FAM228B: variants seen among roughly 807,000 people sequenced by gnomAD.
The protein encoded by FAM228B is protein FAM228B.
Under a neutral mutation model 42.6 loss-of-function variants are expected in FAM228B, and 38 were observed. The ratio of observed to expected loss-of-function variants is 0.89; its 90% CI spans 0.69 to 1.17. The LOEUF (loss-of-function observed/expected upper bound fraction) is 1.17, where lower values mean the gene tolerates loss of function less well. Ranked by LOEUF, FAM228B falls within the 50% of genes most tolerant of loss-of-function variation. The probability of loss-of-function intolerance (pLI) is 0.00; values close to 1 mark genes in which losing one functional copy is unlikely to be tolerated. For missense variants in FAM228B, 344 were observed against 367.3 expected, an observed-to-expected ratio of 0.94 and a Z score of 0.52; for synonymous variants, 109 against 122.3, an observed-to-expected ratio of 0.89 and a Z score of 0.72.
At chr2:24,100,500 AC>A (rs1398746439) in intron 3 of FAM228B, among the ~76,000 whole-genome samples, 1 of 151,458 alleles carries the variant, frequency 6.6e-6, no homozygotes, top group Non-Finnish European at 1.5e-5. Flanking sequence ...CAGCCAACAG[AC>A]ACATGAAAAA....
In FAM228B at chr2:24,080,819, CT is replaced by C; in HGVS notation, c.-289-54del. On this transcript the variant is annotated intron_variant, in intron 1 of 10. Transcript: ENST00000613899. This position sits in a 1 kb window ranked among gnomAD's most constrained non-coding sequence, Gnocchi z 4.7. The stretch of plus-strand genomic sequence containing the variant: ...CTGAACTGTAGAAGCAGTTGTTTAC[CT>C]TTGGTGAATTTCAGCGTTGCTTCAG... The C allele has an allele frequency of 6.2e-7, 1 of 1,614,138 alleles. No individual in the cohort carries two copies. The highest frequency in any genetic ancestry group is 1.1e-5 in the South Asian group (1 of 91,068).
At chr2:24,110,994 A>G (rs577016488) in intron 3 of FAM228B, among the ~76,000 whole-genome samples, 1 of 152,304 alleles carries the variant, frequency 6.6e-6, no homozygotes, top group African/African-American at 2.4e-5. Flanking sequence ...TTGTTTGCTC[A>G]TAAACCCTCC....
intron 3 of FAM228B, among the ~76,000 whole-genome samples, chr2:24,106,307 T>C (rs1408363825): frequency 6.7e-6 from 1 of 148,492 alleles, no homozygotes; most frequent in African/African-American, 2.5e-5. Context: ...GTGGCCTATA[T>C]TCAGCATTCT....
chr2:24,079,426 T>C (rs1247759015), intron 1 of FAM228B: 1 of 1,611,904 alleles, frequency 6.2e-7, no homozygotes, highest in East Asian at 2.2e-5. Flanking sequence ...ACATGTTTTC[T>C]TTTCATTCAT....
At chr2:24,079,327 T>G in intron 1 of FAM228B, 6 of 1,098,946 alleles carry the variant, frequency 5.5e-6, no homozygotes, top group South Asian at 1.8e-5. Context: ...GAGGGGGAGG[T>G]TTCTTCATAG....
At chr2:24,158,536 T>A (rs1558394677) in intron 7 of FAM228B, among the ~76,000 whole-genome samples, 1 of 152,108 alleles carries the variant, frequency 6.6e-6, no homozygotes, top group Non-Finnish European at 1.5e-5. Flanking sequence ...GGGGGTGAGA[T>A]GCTGGAGATG....
At chr2:24,122,627 C>T, upstream of FAM228B, 1 of 841,172 alleles carries the variant, frequency 1.2e-6, no homozygotes. Flanking sequence ...CCTTAAGACA[C>T]TGCAGACAGT....
chr2:24,124,436 G>A lies in FAM228B; in HGVS notation c.75G>A (p.Glu25=). 6.4e-7 allele frequency: 1 copy of A among 1,551,068 alleles called. No individual in the cohort carries two copies. Among genetic ancestry groups the A allele is most frequent in the Non-Finnish European group, 8.7e-7 (1 of 1,146,740 alleles). Residue 25 remains glutamate, a synonymous_variant, in exon 2 of 11, where the codon GAG becomes GAA. Coordinates refer to ENST00000615575, the MANE Select transcript of FAM228B (RefSeq NM_001145710.2). ...TCAAGAGCTCAAAAGAATGGTTGGA[G>A]CCCAAGCCCCTTTGTTTTATGGAGG... ...PKLKSSKEWL[E]PKPLCFMEVL...
At chr2:24,083,074 C>T (rs775061608) in intron 2 of FAM228B, 14 of 1,614,172 alleles carry the variant, frequency 8.7e-6, no homozygotes, top group Non-Finnish European at 1.2e-5. Context: ...CAGCCAGGCC[C>T]CAGCTCTGCC....
chr2:24,115,179 T>C (rs1665874926), intron 3 of FAM228B, among the ~76,000 whole-genome samples: 1 of 152,228 alleles, frequency 6.6e-6, no homozygotes, highest in Non-Finnish European at 1.5e-5. Flanking sequence ...CTCTCTGTCC[T>C]GATGGGAGAC....
At chr2:24,096,513 A>T (rs1373854951) in intron 3 of FAM228B, 1 of 152,242 alleles carries the variant, frequency 6.6e-6, no homozygotes, top group Non-Finnish European at 1.5e-5. Flanking sequence ...CGATTCGATC[A>T]AGTGGAAGAA....
rs1664824412 is a variant in FAM228B, at chr2:24,077,807, C to T, written c.-290+838C>T. ...TCATCAGCCTGGGGAGAGAGCCTCA[C>T]CCTGCCCTCCTCATCCTCCTCAGCC... On this transcript the variant is annotated intron_variant, in intron 1 of 10. Transcript: ENST00000613899. The surrounding 1 kb of genome is among the most constrained non-coding windows in gnomAD (Gnocchi z 5.5). 3 of 1,572,154 alleles carry T rather than the reference C, an allele frequency of 1.9e-6. No individual in the cohort carries two copies. In the East Asian group the frequency reaches 6.7e-5, roughly 35 times the overall value.
intron 5 of FAM228B, among the ~76,000 whole-genome samples, chr2:24,141,536 G>A (rs1048050494): frequency 5.9e-5 from 9 of 151,848 alleles, no homozygotes; most frequent in African/African-American, 9.7e-5. Flanking sequence ...GAGCCACCGC[G>A]CCCGGCCTAA....
At chr2:24,086,742 A>G (rs1048097395) in intron 2 of FAM228B, among the ~76,000 whole-genome samples, 2 of 152,228 alleles carry the variant, frequency 1.3e-5, no homozygotes, top group Non-Finnish European at 2.9e-5. Context: ...CTGTAACTCA[A>G]TATACCCCAT....
At chr2:24,165,202 C>T (rs1045393026) in intron 9 of FAM228B, among the ~76,000 whole-genome samples, 7 of 152,192 alleles carry the variant, frequency 4.6e-5, no homozygotes, top group South Asian at 2.1e-4. Context: ...TCTCAAGCAG[C>T]GGGGCATAAA....
upstream of FAM228B, chr2:24,119,755 G>T: frequency 9.3e-7 from 1 of 1,076,136 alleles, no homozygotes; most frequent in African/African-American, 1.6e-5. Context: ...CTCCAGCTAC[G>T]TTTTTCACCA....
At chr2:24,107,412 C>T (rs12473517) in intron 3 of FAM228B, among the ~76,000 whole-genome samples, 18,107 of 152,186 alleles carry the variant, frequency 0.12, 1,256 homozygotes, top group South Asian at 0.18. Context: ...CTGAACTGAA[C>T]ACTTGACCAA....
intron 3 of FAM228B, among the ~76,000 whole-genome samples, chr2:24,114,659 G>C (rs1350246143): frequency 6.6e-6 from 1 of 152,110 alleles, no homozygotes; most frequent in East Asian, 1.9e-4. Flanking sequence ...TCTCTCCCCA[G>C]GGACATCTGA....
At chr2:24,094,248 GT>G (rs1665452119) in intron 2 of FAM228B, among the ~76,000 whole-genome samples, 1 of 151,596 alleles carries the variant, frequency 6.6e-6, no homozygotes, top group South Asian at 2.1e-4. Flanking sequence ...ACTTTTTAAA[GT>G]TTTGGTAGAG....
Sources: allele counts gnomAD v4.1 joint callset (sites outside exome capture counted in the v4.1 genomes callset), GRCh38; gene constraint gnomAD v4.1.1; non-coding constraint Gnocchi (gnomAD v3.1); transcripts MANE v1.5; gene names NCBI Gene and HGNC (gene_info 2026-07-23, HGNC 2026-07-21).